Variants in GALNT10 observed in about 807,000 individuals in gnomAD.
GALNT10 encodes the protein GalNAc transferase 10.
A neutral mutation model predicts 75.0 loss-of-function variants in GALNT10; 41 were observed. The ratio of observed to expected loss-of-function variants is 0.55; its 90% CI spans 0.43 to 0.71. GALNT10 has a LOEUF of 0.71. Ranked by LOEUF, GALNT10 falls within the 30% of genes least tolerant of loss-of-function variation. The probability of loss-of-function intolerance (pLI) is 0.00; values close to 1 mark genes in which losing one functional copy is unlikely to be tolerated. For synonymous variants in GALNT10, 302 were observed against 313.0 expected (o/e 0.96, Z 0.37); for missense variants, 727 against 818.5 (o/e 0.89, Z 1.36).
intron 7 of GALNT10, chr5:154,387,626 C>T (rs984819656): frequency 1.3e-5 from 2 of 152,204 alleles, no homozygotes; most frequent in Admixed American, 6.5e-5. Context: ...CTCACTGAGC[C>T]TTGGTTTCTA....
intron 1 of GALNT10, among the ~76,000 whole-genome samples, chr5:154,217,811 A>G (rs6873488): frequency 0.59 from 89,473 of 152,122 alleles, 27,313 homozygotes; most frequent in East Asian, 0.86. Context: ...TTATGCTAAA[A>G]ATTAATTGGG....
chr5:154,405,489 A>G (rs1756260328), intron 8 of GALNT10, among the ~76,000 whole-genome samples: 1 of 152,110 alleles, frequency 6.6e-6, no homozygotes, highest in South Asian at 2.1e-4. Context: ...CCCTTGAAGC[A>G]GGAATCGCGT....
At chr5:154,300,919 G>A (rs965582561) in intron 3 of GALNT10, among the ~76,000 whole-genome samples, 4 of 152,238 alleles carry the variant, frequency 2.6e-5, no homozygotes, top group Admixed American at 6.5e-5. Context: ...CTAGCCAGGG[G>A]ATGGGGATGA....
At chr5:154,400,068 G>A (rs1756125857) in intron 7 of GALNT10, among the ~76,000 whole-genome samples, 1 of 152,176 alleles carries the variant, frequency 6.6e-6, no homozygotes, top group South Asian at 2.1e-4. Flanking sequence ...AGCCCATGAG[G>A]TCAAGGCTTC....
intron 1 of GALNT10, among the ~76,000 whole-genome samples, chr5:154,293,229 G>C (rs945795712): frequency 6.6e-6 from 1 of 152,130 alleles, no homozygotes; most frequent in African/African-American, 2.4e-5. Flanking sequence ...CACACATCAG[G>C]GCCTTTGAAG....
intron 5 of GALNT10, among the ~76,000 whole-genome samples, chr5:154,378,177 G>C: frequency 6.6e-6 from 1 of 152,204 alleles, no homozygotes; most frequent in Middle Eastern, 3.2e-3. Context: ...CTGACAGAGC[G>C]CATCATGGCT....
chr5:154,322,388 T>C, intron 3 of GALNT10, among the ~76,000 whole-genome samples: 1 of 152,124 alleles, frequency 6.6e-6, no homozygotes, highest in East Asian at 1.9e-4. Flanking sequence ...ACTTCTTCTG[T>C]CTCATCTTTT....
At chr5:154,209,066 A>G (rs190990954) in intron 1 of GALNT10, among the ~76,000 whole-genome samples, 1 of 152,342 alleles carries the variant, frequency 6.6e-6, no homozygotes, top group Non-Finnish European at 1.5e-5. Context: ...ATTCTGCTAC[A>G]AAACCACCCA....
chr5:154,272,614 C>A (rs754375345), intron 1 of GALNT10, among the ~76,000 whole-genome samples: 1 of 152,186 alleles, frequency 6.6e-6, no homozygotes, highest in South Asian at 2.1e-4. Context: ...CAAATCCCTC[C>A]TGAACCTTGC....
chr5:154,246,564 G>A (rs144863475), intron 1 of GALNT10, among the ~76,000 whole-genome samples: 19,289 of 152,268 alleles, frequency 0.13, 1,607 homozygotes, highest in Non-Finnish European at 0.18. Context: ...GGCCAGTGAT[G>A]ATGAGCATTT....
intron 1 of GALNT10, among the ~76,000 whole-genome samples, chr5:154,275,314 A>T (rs1410379222): frequency 6.6e-6 from 1 of 152,234 alleles, no homozygotes; most frequent in African/African-American, 2.4e-5. Flanking sequence ...AATGAGATAG[A>T]TAGGGGAATT....
rs1324647293 is a variant in GALNT10 at position 154,412,941 on chromosome 5, G to A, written c.1439G>A (p.Gly480Asp). The A allele has an allele frequency of 5.6e-6, 9 of 1,613,758 alleles. No individual in the cohort carries two copies. Among genetic ancestry groups the A allele is most frequent in the Non-Finnish European group, 7.6e-6 (9 of 1,179,836 alleles). ...LCADTKHGAL[G>D]SPLRLEGCVR... ...GCAGACACAAAGCACGGGGCCTTGG[G>A]CTCCCCACTAAGGCTAGAGGGCTGC... Residue 480 changes from glycine (G) to aspartate (D), a missense_variant, in exon 10 of 12, where the codon GGC becomes GAC. Transcript: ENST00000297107. The surrounding 1 kb of genome is among the most constrained non-coding windows in gnomAD (Gnocchi z 4.2).
intron 1 of GALNT10, among the ~76,000 whole-genome samples, chr5:154,196,170 A>G (rs1006164018): frequency 6.6e-6 from 1 of 152,086 alleles, no homozygotes; most frequent in African/African-American, 2.4e-5. Context: ...TGATCTGCCC[A>G]CCTCAGCCTC....
At chr5:154,208,411 C>T (rs1775143051) in intron 1 of GALNT10, among the ~76,000 whole-genome samples, 1 of 152,198 alleles carries the variant, frequency 6.6e-6, no homozygotes, top group Non-Finnish European at 1.5e-5. Context: ...ATGGATTTGC[C>T]TAGGATTGAA....
intron 1 of GALNT10, among the ~76,000 whole-genome samples, chr5:154,286,951 A>T (rs1754120267): frequency 6.6e-6 from 1 of 152,210 alleles, no homozygotes; most frequent in Non-Finnish European, 1.5e-5. Context: ...GTGAAAGTTA[A>T]GTTTTCTCAA....
chr5:154,255,148 C>G (rs984196391), intron 1 of GALNT10, among the ~76,000 whole-genome samples: 2 of 152,012 alleles, frequency 1.3e-5, no homozygotes, highest in African/African-American at 4.8e-5. Flanking sequence ...GTGAGAAAAT[C>G]CTTTCCCTAA....
chr5:154,247,759 A>C (rs542910823), intron 1 of GALNT10, among the ~76,000 whole-genome samples: 39 of 152,134 alleles, frequency 2.6e-4, no homozygotes, highest in Non-Finnish European at 4.4e-4. Context: ...CATCTGCAAA[A>C]AGGGACAATT....
chr5:154,196,929 T>C (rs1003723612), intron 1 of GALNT10, among the ~76,000 whole-genome samples: 3 of 152,092 alleles, frequency 2.0e-5, no homozygotes, highest in African/African-American at 4.8e-5. Flanking sequence ...AAATATCCAC[T>C]CCAGAGTCCT....
At chr5:154,204,173 G>A (rs1337533313) in intron 1 of GALNT10, among the ~76,000 whole-genome samples, 3 of 152,252 alleles carry the variant, frequency 2.0e-5, no homozygotes, top group African/African-American at 4.8e-5. Flanking sequence ...CAGTGCTTCC[G>A]TCCTCTCCTA....
Sources: allele counts gnomAD v4.1 joint callset (sites outside exome capture counted in the v4.1 genomes callset), GRCh38; gene constraint gnomAD v4.1.1; non-coding constraint Gnocchi (gnomAD v3.1); transcripts MANE v1.5; gene names NCBI Gene and HGNC (gene_info 2026-07-23, HGNC 2026-07-21).